SLC35B1: variants seen among roughly 807,000 people sequenced by gnomAD.
The protein encoded by SLC35B1 is solute carrier family 35 member B1, also known as ATP/ADP exchanger ER.
In SLC35B1, 27 loss-of-function variants were observed where a neutral mutation model predicts 36.6. That is an observed-to-expected ratio of 0.74 (90% CI 0.54 to 1.02). The LOEUF (loss-of-function observed/expected upper bound fraction) is 1.02. SLC35B1 is among the 50% of genes least tolerant of loss of function. The pLI is 0.00. For synonymous variants in SLC35B1, 162 were observed against 152.5 expected (o/e 1.06, Z -0.46); for missense variants, 321 against 383.2 (o/e 0.84, Z 1.35).
Position 49,704,127 on chromosome 17 carries a change from G to C in SLC35B1, c.628C>G (p.Leu210Val), listed in dbSNP as rs1049763843. The change falls in exon 6 of 9, where the codon CTT becomes GTT. Residue 210 changes from leucine (L) to valine (V), a missense_variant. Transcript: ENST00000240333. ...GSNHMMLNINLWSTLLLGMGI... is the reference protein window; with the variant it reads ...GSNHMMLNINVWSTLLLGMGI... The stretch of plus-strand genomic sequence containing the variant: ...ATTCCCAGCAGCAATGTCGACCAAA[G>C]GTTGATGTTCAGCATCATGTGGTTG... 49 of 1,614,060 alleles carry C rather than the reference G, an allele frequency of 3.0e-5. No individual in the cohort carries two copies. The highest frequency in any genetic ancestry group is 3.6e-5 in the Non-Finnish European group (43 of 1,180,034).
chr17:49,706,303 A>G lies in SLC35B1; in HGVS notation c.240T>C (p.Asp80=). 1 of 1,567,856 alleles carries G rather than the reference A, an allele frequency of 6.4e-7. No homozygotes were observed. The highest frequency in any genetic ancestry group is 8.6e-7 in the Non-Finnish European group (1 of 1,159,210). ...CAGCATAGAGCCAGCTCCGGGTACG[A>G]TCCACCCTGGCAGTGTCAAAAAACT... ...LIQFFDTARV[D]RTRSWLYAAC... Residue 80 remains aspartate (D), a synonymous_variant, in exon 3 of 9, where the codon GAT becomes GAC. Transcript: ENST00000240333.
Position 49,707,765 on chromosome 17 carries a change from G to C in SLC35B1, c.69C>G (p.Val23=). The C allele has an allele frequency of 1.2e-6, 2 of 1,612,088 alleles. No individual in the cohort carries two copies. The highest frequency in any genetic ancestry group is 1.7e-6 in the Non-Finnish European group (2 of 1,179,866). The change falls in exon 1 of 9, where the codon GTC becomes GTG. Residue 23 remains valine, a synonymous_variant. Transcript: ENST00000240333. ...RLPLCFLGVF[V]CYFYYGILQE... ...GCAGGATCCCATAGTAAAAATAGCA[G>C]ACAAAGACACCCAGGAAGCAGAGCG... is the stretch of plus-strand genomic sequence containing the variant.
chr17:49,701,581 G>T, intron 8 of SLC35B1, 71 bp from the exon 9 acceptor site: 3 of 1,329,006 alleles, frequency 2.3e-6, no homozygotes, highest in Non-Finnish European at 2.2e-6. Context: ...GTGGTGGGGT[G>T]GGGTAGTCGG....
At chr17:49,705,493 A>G in intron 4 of SLC35B1, 1 of 596,684 alleles carries the variant, frequency 1.7e-6, no homozygotes, top group Non-Finnish European at 2.9e-6. Flanking sequence ...GTAGAGAACA[A>G]AGGTGAAAAG....
At chr17:49,707,156 A>T in intron 1 of SLC35B1, 88 bp from the exon 2 acceptor site, 1 of 1,400,600 alleles carries the variant, frequency 7.1e-7, no homozygotes, top group Non-Finnish European at 1.0e-6. Context: ...TGAAAACTTT[A>T]AAATTATCTT....
At chr17:49,702,274 A>G (rs2073360228) in intron 8 of SLC35B1, 1 of 154,534 alleles carries the variant, frequency 6.5e-6, no homozygotes, top group Non-Finnish European at 1.4e-5. Context: ...GTCTGCCACC[A>G]TGCTCAGCTA....
chr17:49,706,392 CA>C (rs929725968), intron 2 of SLC35B1, 58 bp from the exon 3 acceptor site: 19 of 858,232 alleles, frequency 2.2e-5, no homozygotes, highest in Admixed American at 5.4e-5. Flanking sequence ...AAAAAAAAAA[CA>C]AGAGAAACCT....
rs1567818488 is a variant in SLC35B1, at chr17:49,702,746, C to CA, written c.916+111dup. 7.8e-5 allele frequency: 97 copies of CA among 1,235,796 alleles called. 1 individual carries two copies. Among genetic ancestry groups the CA allele is most frequent in the South Asian group, 1.7e-4 (11 of 64,594 alleles). The allele number at this position is 1,235,796 out of a possible 1,614,324, so 76.6% of individuals were successfully genotyped here. A position where few individuals can be genotyped will look rare whatever the true frequency, so the allele number is the denominator to read the frequency against. ...GGGCAACAAGAGCGAAACTCCGTCT[C>CA]AAAAAAAAGAGAAAAGTTTTCTCTA... On this transcript the variant is annotated intron_variant, in intron 8 of 8. Coordinates refer to ENST00000240333, the MANE Select transcript of SLC35B1 (RefSeq NM_005827.4).
chr17:49,703,281 A>C lies in SLC35B1; in HGVS notation c.669T>G (p.Thr223=). The C allele has an allele frequency of 6.2e-7, 1 of 1,612,794 alleles. No individual in the cohort carries two copies. Among genetic ancestry groups the C allele is most frequent in the Middle Eastern group, 1.7e-4 (1 of 6,058 alleles). ...TLLLGMGILF[T]GELWEFLSFA... is the part of the protein sequence containing the mutation. ...AGCTCAAGAACTCCCAGAGCTCCCC[A>C]GTGAACAGGATTCCTGAGAAGACAT... The change falls in exon 7 of 9, where the codon ACT becomes ACG. Residue 223 remains threonine, a synonymous_variant. Coordinates refer to ENST00000240333, the MANE Select transcript of SLC35B1 (RefSeq NM_005827.4).
In SLC35B1 at chr17:49,703,203, G is replaced by A. The variant is rs2073372875; in HGVS notation, c.747C>T (p.Thr249=). The A allele has an allele frequency of 4.3e-6, 7 of 1,613,296 alleles. No individual in the cohort carries two copies. The East Asian group carries it at 1.6e-4, about 36-fold the overall frequency. Residue 249 remains threonine, a synonymous_variant, in exon 7 of 9, where the codon ACC becomes ACT. Transcript: ENST00000240333. The part of the protein sequence containing the change: ...IIYNILLFGL[T]SALGQSFIFM... Reference sequence around the variant, plus strand: ...AAGCACTCACCTGACCCAGGGCACTGGTCAGCCCAAAGAGCAGGATGTTAT... The same window carrying A: ...AAGCACTCACCTGACCCAGGGCACTAGTCAGCCCAAAGAGCAGGATGTTAT...
intron 8 of SLC35B1, chr17:49,701,760 A>G: frequency 2.3e-6 from 1 of 428,314 alleles, no homozygotes; most frequent in Non-Finnish European, 4.3e-6. Flanking sequence ...ATACATATAT[A>G]ATACAGCAAG....
At chr17:49,704,255 G>T in intron 5 of SLC35B1, 29 bp from the exon 6 acceptor site, 3 of 1,609,774 alleles carry the variant, frequency 1.9e-6, no homozygotes, top group Non-Finnish European at 2.5e-6. Context: ...AGCCTGCAGT[G>T]AAGTGGCCAA....
At position 49,707,830 on chromosome 17, in the gene SLC35B1, C is replaced by T. The variant is rs1046624039; in HGVS notation, c.4G>A (p.Ala2Thr). M[A>T]SSSSLVPDRL... Reference sequence around the variant, plus strand: ...TCGGGCACCAGGGAGCTGCTAGAGGCCATGAGACGCCCAGAGGAGCCGACT... The same window carrying T: ...TCGGGCACCAGGGAGCTGCTAGAGGTCATGAGACGCCCAGAGGAGCCGACT... Residue 2 changes from alanine (A) to threonine (T), a missense_variant, in exon 1 of 9, where the codon GCC becomes ACC. Ala to Thr is a moderately conservative substitution (Grantham distance 58). Transcript: ENST00000240333. 6.2e-7 allele frequency: 1 copy of T among 1,611,792 alleles called. No homozygotes were observed. Among genetic ancestry groups the T allele is most frequent in the Non-Finnish European group, 8.5e-7 (1 of 1,179,766 alleles).
In SLC35B1 at chr17:49,701,627, A is replaced by G. The variant is rs1050808638; in HGVS notation, c.917-117T>C. On this transcript the variant is annotated intron_variant, in intron 8 of 8. Transcript: ENST00000240333. ...CCAAAATGGGGGCTTTAAATAAAAT[A>G]CATGTCAGAACACTGGTTTTATGTA... The G allele has an allele frequency of 1.9e-4, 135 of 723,388 alleles. No individual in the cohort carries two copies. The East Asian group carries it at 3.4e-3, about 18-fold the overall frequency. The allele number at this position is 723,388 out of a possible 1,614,324, so 44.8% of individuals were successfully genotyped here.
chr17:49,701,942 A>G, intron 8 of SLC35B1: 1 of 409,732 alleles, frequency 2.4e-6, no homozygotes, highest in Non-Finnish European at 4.9e-6. Flanking sequence ...AAAAAAAAAA[A>G]ATTGGTCAGG....
At chr17:49,705,398 A>G (rs2073403545) in intron 4 of SLC35B1, 117 bp from the exon 5 acceptor site, 1 of 1,053,452 alleles carries the variant, frequency 9.5e-7, no homozygotes, top group African/African-American at 1.6e-5. Flanking sequence ...CTGAGAAGGA[A>G]GGCTTAGAGA....
intron 1 of SLC35B1, 122 bp downstream of exon 1, chr17:49,707,608 G>A (rs1282448663): frequency 1.4e-6 from 2 of 1,449,986 alleles, no homozygotes; most frequent in Non-Finnish European, 1.9e-6. Flanking sequence ...AAGTAGTAGG[G>A]TGCTAAGAGG....
At chr17:49,704,824 A>AC (rs1229484710) in intron 5 of SLC35B1, among the ~76,000 whole-genome samples, 1 of 152,226 alleles carries the variant, frequency 6.6e-6, no homozygotes, top group Non-Finnish European at 1.5e-5. Context: ...TTGGAAAGCC[A>AC]CAGTGAGAGA....
At chr17:49,701,759 T>C in intron 8 of SLC35B1, 1 of 430,500 alleles carries the variant, frequency 2.3e-6, no homozygotes. Flanking sequence ...GATACATATA[T>C]AATACAGCAA....
Sources: gnomAD v4.1 joint callset for allele counts (sites outside exome capture counted in the v4.1 genomes callset) on GRCh38, gnomAD v4.1.1 for gene constraint, MANE v1.5 for transcripts, NCBI Gene and HGNC (gene_info 2026-07-23, HGNC 2026-07-21) for gene names.